The following COX7A2L variants were observed in gnomAD, a reference collection of about 807,000 sequenced individuals.
The protein encoded by COX7A2L is cytochrome c oxidase subunit 7A2-like, mitochondrial.
In COX7A2L, 18 loss-of-function variants were observed where a neutral mutation model predicts 14.2. The observed-to-expected ratio is 1.27, with a 90% CI of 0.88 to 1.88. The LOEUF (loss-of-function observed/expected upper bound fraction) is 1.88. COX7A2L is among the 40% of genes most tolerant of loss of function. The pLI is 0.00. For synonymous variants in COX7A2L, 65 were observed against 57.4 expected (o/e 1.13, Z -0.60); for missense variants, 179 against 138.8 (o/e 1.29, Z -1.46).
chr2:42,358,671 G>C (rs907518058), intron 1 of COX7A2L, among the ~76,000 whole-genome samples: 3 of 152,170 alleles, frequency 2.0e-5, no homozygotes, highest in African/African-American at 7.2e-5. Flanking sequence ...AGAGAAACAC[G>C]ATTCACGAGG....
At chr2:42,362,328 C>T (rs1279682302), upstream of COX7A2L, among the ~76,000 whole-genome samples, 1 of 152,208 alleles carries the variant, frequency 6.6e-6, no homozygotes, top group Non-Finnish European at 1.5e-5. Flanking sequence ...CATCATCTAA[C>T]CATAGGTTTA....
chr2:42,358,555 G>C (rs1311549469), intron 1 of COX7A2L, among the ~76,000 whole-genome samples: 1 of 152,214 alleles, frequency 6.6e-6, no homozygotes, highest in African/African-American at 2.4e-5. Context: ...GAGGGCACCT[G>C]TCACAATCAC....
chr2:42,336,839 G>C (rs1670284821), intron 2 of COX7A2L, among the ~76,000 whole-genome samples: 1 of 151,938 alleles, frequency 6.6e-6, no homozygotes, highest in Non-Finnish European at 1.5e-5. Context: ...GAGTTTATGT[G>C]GGACTCAGGA....
chr2:42,361,150 C>T lies in COX7A2L; in HGVS notation c.12G>A (p.Lys4=), dbSNP rs139343885. 54 of 1,613,408 alleles carry T rather than the reference C, an allele frequency of 3.3e-5. No individual in the cohort carries two copies. The highest frequency in any genetic ancestry group is 4.4e-5 in the Non-Finnish European group (52 of 1,179,752). The change falls in exon 1 of 3, where the codon AAG becomes AAA. Residue 4 remains lysine, a synonymous_variant. Transcript: ENST00000234301. ...CCAACTTCTGCGTGAAGCCACTAAA[C>T]TTGTAGTACATGACGCCCAGAGTCC... MYY[K]FSGFTQKLAG...
chr2:42,335,848 T>C (rs918579821), intron 2 of COX7A2L, among the ~76,000 whole-genome samples: 4 of 152,206 alleles, frequency 2.6e-5, no homozygotes, highest in Non-Finnish European at 4.4e-5. Flanking sequence ...GCTTTGGACT[T>C]TGAATCGTGT....
intron 2 of COX7A2L, 146 bp from the exon 3 acceptor site, chr2:42,351,505 G>T (rs1449047410): frequency 1.1e-6 from 1 of 947,308 alleles, no homozygotes; most frequent in Non-Finnish European, 1.5e-6. Flanking sequence ...AATGCTAGTA[G>T]AAGTTCCTAT....
At chr2:42,354,938 A>G (rs1670769498) in intron 1 of COX7A2L, among the ~76,000 whole-genome samples, 1 of 152,256 alleles carries the variant, frequency 6.6e-6, no homozygotes, top group Non-Finnish European at 1.5e-5. Context: ...CAGCAACCCT[A>G]TGAAGATATT....
intron 1 of COX7A2L, 94 bp downstream of exon 1, chr2:42,360,996 C>T: frequency 1.5e-6 from 2 of 1,356,460 alleles, no homozygotes; most frequent in Non-Finnish European, 1.0e-6. Context: ...CGACCGCGGG[C>T]AGAAGCCTCC....
Position 42,351,295 on chromosome 2 carries a change from G to C in COX7A2L, c.269C>G (p.Thr90Ser). 1.2e-6 allele frequency: 2 copies of C among 1,614,176 alleles called. No homozygotes were observed. Among genetic ancestry groups the C allele is most frequent in the East Asian group, 2.2e-5 (1 of 44,884 alleles). Residue 90 changes from threonine (T) to serine (S), a missense_variant, in exon 3 of 3, where the codon ACC becomes AGC. Thr to Ser is a moderately conservative substitution (Grantham distance 58). Coordinates refer to ENST00000234301, the MANE Select transcript of COX7A2L (RefSeq NM_004718.4). The part of the protein sequence containing the change: ...GLPDQMLYRT[T>S]MALTVGGTIY... Reference sequence around the variant, plus strand: ...GGTCCCTCCCACAGTCAGCGCCATGGTGGTCCGGTAAAGCATTTGGTCAGG... The same window carrying C: ...GGTCCCTCCCACAGTCAGCGCCATGCTGGTCCGGTAAAGCATTTGGTCAGG...
chr2:42,343,590 G>C (rs972503387), intron 2 of COX7A2L, among the ~76,000 whole-genome samples: 34 of 152,168 alleles, frequency 2.2e-4, no homozygotes, highest in African/African-American at 6.3e-4. Context: ...ACCCAGCCTA[G>C]GAGGTGTGGA....
intron 1 of COX7A2L, among the ~76,000 whole-genome samples, chr2:42,356,698 G>A (rs1670829383): frequency 6.6e-6 from 1 of 152,166 alleles, no homozygotes; most frequent in Non-Finnish European, 1.5e-5. Context: ...AGGCTGAGGT[G>A]GGAGAATCAC....
In COX7A2L at chr2:42,338,765, T is replaced by C. The variant is rs1456425925; in HGVS notation, c.193-4896A>G. Among the ~76,000 whole-genome samples the C allele has an allele frequency of 1.3e-5, 2 of 152,188 alleles. No individual in the cohort carries two copies. The highest frequency in any genetic ancestry group is 2.9e-5 in the Non-Finnish European group (2 of 68,030). On this transcript the variant is annotated intron_variant, in intron 2 of 2. Transcript: ENST00000468711. This position sits in a 1 kb window ranked among gnomAD's most constrained non-coding sequence, Gnocchi z 4.4. ...AAACAGTTTTCACTCACAGGGAGAA[T>C]TACTGCTTCCCATGAAAGCATTTTC...
At chr2:42,356,370 C>T (rs1234914924) in intron 1 of COX7A2L, among the ~76,000 whole-genome samples, 1 of 152,196 alleles carries the variant, frequency 6.6e-6, no homozygotes, top group East Asian at 1.9e-4. Flanking sequence ...ACTGTGTCTC[C>T]CCCCACTATA....
chr2:42,356,273 C>T lies in COX7A2L; in HGVS notation c.73-2930G>A, dbSNP rs543757162. 2.0e-5 allele frequency among the ~76,000 whole-genome samples: 3 copies of T among 152,272 alleles called. No homozygotes were observed. In the South Asian group the frequency reaches 6.2e-4, roughly 32 times the overall value. ...ACCACCCTTTTAAAAACTGCATGTC[C>T]TCCCCCTTGCCCTACTAACAACTTA... On this transcript the variant is annotated intron_variant, in intron 1 of 2. Transcript: ENST00000234301.
chr2:42,368,721 C>T (rs1671214805), intron 1 of COX7A2L: 1 of 152,222 alleles, frequency 6.6e-6, no homozygotes, highest in Non-Finnish European at 1.5e-5. Flanking sequence ...CATTAAACTG[C>T]AGCAGTTACT....
chr2:42,353,034 T>C, intron 2 of COX7A2L, 178 bp downstream of exon 2: 2 of 709,160 alleles, frequency 2.8e-6, no homozygotes, highest in Non-Finnish European at 4.5e-6. Flanking sequence ...CCCTCTTTTA[T>C]CAGTATCTAC....
chr2:42,337,179 A>G lies in COX7A2L; in HGVS notation c.193-3310T>C, dbSNP rs191361549. On this transcript the variant is annotated intron_variant, in intron 2 of 2. Transcript: ENST00000468711. Reference sequence around the variant, plus strand: ...ACCCATTGCTTAAATTCTAGAATCAACCTCCAAAAGGCTGAATCTCAATAT... The same window carrying G: ...ACCCATTGCTTAAATTCTAGAATCAGCCTCCAAAAGGCTGAATCTCAATAT... Among the ~76,000 whole-genome samples, 12 of 152,276 alleles carry G rather than the reference A, an allele frequency of 7.9e-5. No individual in the cohort carries two copies. The East Asian group carries it at 2.3e-3, about 29-fold the overall frequency.
intron 1 of COX7A2L, among the ~76,000 whole-genome samples, chr2:42,358,925 G>C (rs1269934274): frequency 6.6e-6 from 1 of 152,144 alleles, no homozygotes; most frequent in Non-Finnish European, 1.5e-5. Context: ...GAGCCGGGGA[G>C]TTCGAGATCA....
At chr2:42,361,309 C>T, upstream of COX7A2L, 1 of 693,600 alleles carries the variant, frequency 1.4e-6, no homozygotes, top group Non-Finnish European at 2.4e-6. Context: ...TTAAAACCTG[C>T]ACACTTAAGC....
Sources: allele counts gnomAD v4.1 joint callset (sites outside exome capture counted in the v4.1 genomes callset), GRCh38; gene constraint gnomAD v4.1.1; non-coding constraint Gnocchi (gnomAD v3.1); transcripts MANE v1.5; gene names NCBI Gene and HGNC (gene_info 2026-07-23, HGNC 2026-07-21).